UTP25: variants seen among roughly 807,000 people sequenced by gnomAD.
UTP25 encodes UTP25 small subunit processome component.
In UTP25, 50 loss-of-function variants were observed where a neutral mutation model predicts 78.9. The observed-to-expected ratio is 0.63, with a 90% CI of 0.50 to 0.80. UTP25 has a LOEUF of 0.80. Among genes scored for constraint, UTP25 ranks in the 30% least tolerant of loss-of-function variants. UTP25 has a pLI of 0.00. For missense variants in UTP25, 846 were observed against 911.3 expected (o/e 0.93, Z 0.92); for synonymous variants, 329 against 336.5 (o/e 0.98, Z 0.24).
At chr1:209,847,017 GCA>G (rs1293057475) in intron 11 of UTP25, among the ~76,000 whole-genome samples, 2 of 145,860 alleles carry the variant, frequency 1.4e-5, no homozygotes, top group African/African-American at 5.1e-5. Context: ...GTGTGCACAT[GCA>G]CACGTGCACA....
At position 209,831,060 on chromosome 1, in the gene UTP25, T is replaced by C; in HGVS notation, c.388+17T>C. On this transcript the variant is annotated intron_variant, in intron 3 of 11. Coordinates refer to ENST00000491415, the MANE Select transcript of UTP25 (RefSeq NM_014388.7). Reference sequence around the variant, plus strand: ...GTCCAGAGAGTAAGTGTCTTTACTATAGGCTCATCATCTTTGCCAGAACTA... The same window carrying C: ...GTCCAGAGAGTAAGTGTCTTTACTACAGGCTCATCATCTTTGCCAGAACTA... The C allele has an allele frequency of 6.2e-7, 1 of 1,613,658 alleles. No homozygotes were observed. Among genetic ancestry groups the C allele is most frequent in the East Asian group, 2.2e-5 (1 of 44,876 alleles).
Position 209,837,092 on chromosome 1 carries a change from A to T in UTP25, c.943A>T (p.Ile315Leu). 6.2e-7 allele frequency: 1 copy of T among 1,614,168 alleles called. No homozygotes were observed. Among genetic ancestry groups the T allele is most frequent in the Non-Finnish European group, 8.5e-7 (1 of 1,180,004 alleles). ...EIRHVYCLHV[I>L]NHILKANAQV... ...CCGCCATGTGTATTGCCTGCATGTGATAAATCACATCCTCAAAGCCAATGC... is the reference window on the plus strand; with the variant it reads ...CCGCCATGTGTATTGCCTGCATGTGTTAAATCACATCCTCAAAGCCAATGC... Residue 315 changes from isoleucine to leucine, a missense_variant, in exon 6 of 12, where the codon ATA becomes TTA. Coordinates refer to ENST00000491415, the MANE Select transcript of UTP25 (RefSeq NM_014388.7).
chr1:209,848,122 T>C (rs2102581800), intron 11 of UTP25, among the ~76,000 whole-genome samples: 2 of 152,238 alleles, frequency 1.3e-5, no homozygotes, highest in Middle Eastern at 6.8e-3. Flanking sequence ...ACCAATTAAA[T>C]CGCAGTGTCT....
At chr1:209,833,087 T>C in intron 3 of UTP25, 98 bp from the exon 4 acceptor site, 1 of 1,132,656 alleles carries the variant, frequency 8.8e-7, no homozygotes, top group Admixed American at 2.9e-5. Flanking sequence ...ATAGTATCAA[T>C]GAACGCTATT....
chr1:209,828,321 C>T (rs1388668271), intron 1 of UTP25, 151 bp downstream of exon 1: 27 of 637,416 alleles, frequency 4.2e-5, no homozygotes, highest in South Asian at 2.5e-4. Context: ...GCCATCCCGC[C>T]GGGAGATGGA....
In UTP25 at chr1:209,836,815, C is replaced by T. The variant is rs1189791202; in HGVS notation, c.666C>T (p.Gly222=). Residue 222 remains glycine, a synonymous_variant, in exon 6 of 12, where the codon GGC becomes GGT. Transcript: ENST00000491415. The part of the protein sequence containing the change: ...TTHELKWPIL[G]QLFFSSKFQK... ...TTCTCCCCTAGTGGCCTATTCTGGG[C>T]CAGCTTTTCTTTTCCTCTAAGTTTC... 6.2e-7 allele frequency: 1 copy of T among 1,605,792 alleles called. No homozygotes were observed. Among genetic ancestry groups the T allele is most frequent in the Non-Finnish European group, 8.5e-7 (1 of 1,176,756 alleles).
intron 1 of UTP25, 84 bp downstream of exon 1, chr1:209,828,254 C>G (rs967928121): frequency 3.9e-6 from 4 of 1,019,010 alleles, no homozygotes; most frequent in Non-Finnish European, 5.9e-6. Context: ...TAGTGCTGCT[C>G]CGGCCTTTTC....
In UTP25 at chr1:209,833,366, C is replaced by G; in HGVS notation, c.562+8C>G. ...CTTTGAAAGCCTCTCAAGGTCATAG[C>G]ACAGTGTGTGTTATTTGAATTCACC... On this transcript the variant is annotated splice_region_variant and intron_variant, in intron 4 of 11. Transcript: ENST00000491415. 2 of 1,532,042 alleles carry G rather than the reference C, an allele frequency of 1.3e-6. No homozygotes were observed. The highest frequency in any genetic ancestry group is 1.7e-6 in the Non-Finnish European group (2 of 1,143,474). 94.9% of individuals were successfully genotyped at this position (1,532,042 alleles called of 1,614,324 possible).
chr1:209,843,048 T>C (rs2078176564), intron 10 of UTP25: 1 of 326,624 alleles, frequency 3.1e-6, no homozygotes, highest in Non-Finnish European at 5.7e-6. Context: ...AATTGTATAA[T>C]TTCCCCCTTT....
At chr1:209,829,644 G>A (rs576282229) in intron 1 of UTP25, among the ~76,000 whole-genome samples, 58 of 104,386 alleles carry the variant, frequency 5.6e-4, no homozygotes, top group African/African-American at 1.9e-3. Context: ...ACACAACTCC[G>A]GGCTAATTTT....
chr1:209,829,237 A>T (rs2078089092), intron 1 of UTP25, among the ~76,000 whole-genome samples: 1 of 152,334 alleles, frequency 6.6e-6, no homozygotes, highest in Non-Finnish European at 1.5e-5. Context: ...GGGAACATTG[A>T]AAATCCGCTC....
rs534520156 is a variant in UTP25, at chr1:209,846,395, G to A, written c.2027+2699G>A. The stretch of plus-strand genomic sequence containing the variant: ...CTCTTTTCCAGTGCGTTATCAGTGG[G>A]TTTCCACAGCAGGGAGGATCTCAAC... On this transcript the variant is annotated intron_variant, in intron 11 of 11. Coordinates refer to ENST00000491415, the MANE Select transcript of UTP25 (RefSeq NM_014388.7). Among the ~76,000 whole-genome samples, 8 of 152,234 alleles carry A rather than the reference G, an allele frequency of 5.3e-5. No individual in the cohort carries two copies. In the South Asian group the frequency reaches 1.7e-3, roughly 32 times the overall value.
chr1:209,848,545 CTAGT>C lies in UTP25; in HGVS notation c.2028-2656_2028-2653del, dbSNP rs566155727. On this transcript the variant is annotated intron_variant, in intron 11 of 11. Transcript: ENST00000491415. The stretch of plus-strand genomic sequence containing the variant: ...GCATATGTTTTGATGAAATACTTAC[CTAGT>C]TATTTTCTTGGGATAGATTTTGAAA... Among the ~76,000 whole-genome samples, 348 of 152,106 alleles carry C rather than the reference CTAGT, an allele frequency of 2.3e-3. 1 individual carries two copies. Among genetic ancestry groups the C allele is most frequent in the African/African-American group, 8.1e-3 (337 of 41,474 alleles).
intron 4 of UTP25, 94 bp downstream of exon 4, chr1:209,833,452 C>A: frequency 8.9e-7 from 1 of 1,119,578 alleles, no homozygotes. Context: ...GAACAAACAG[C>A]AATAAAAACA....
chr1:209,838,947 G>T lies in UTP25; in HGVS notation c.1101G>T (p.Arg367=), dbSNP rs1359291557. 6 of 1,613,976 alleles carry T rather than the reference G, an allele frequency of 3.7e-6. No homozygotes were observed. The highest frequency in any genetic ancestry group is 4.2e-6 in the Non-Finnish European group (5 of 1,179,996). ...IVVPFREAAL[R]VVQLFISLLE... is the part of the protein sequence containing the mutation. ...TGCCATTCCGGGAAGCTGCTTTGCG[G>T]GTGGTGCAGCTCTTCATCAGCCTCC... is the stretch of plus-strand genomic sequence containing the variant. Residue 367 remains arginine, a synonymous_variant, in exon 7 of 12, where the codon CGG becomes CGT. Transcript: ENST00000491415.
chr1:209,842,218 T>G, intron 8 of UTP25, 47 bp from the exon 9 acceptor site: 1 of 1,488,378 alleles, frequency 6.7e-7, no homozygotes, highest in Non-Finnish European at 9.0e-7. Context: ...GTCCAACATG[T>G]AAATGCTCTC....
chr1:209,837,835 GT>G (rs1350172918), intron 6 of UTP25, among the ~76,000 whole-genome samples: 1 of 152,184 alleles, frequency 6.6e-6, no homozygotes, highest in Non-Finnish European at 1.5e-5. Flanking sequence ...TATTCATGAT[GT>G]TATAGAACCA....
intron 11 of UTP25, among the ~76,000 whole-genome samples, chr1:209,845,791 T>C (rs2078193532): frequency 7.0e-6 from 1 of 142,210 alleles, no homozygotes; most frequent in Non-Finnish European, 1.5e-5. Context: ...TGTTTTGGTG[T>C]GCAGTGCCTT....
At position 209,838,901 on chromosome 1, in the gene UTP25, CT is replaced by C; in HGVS notation, c.1063-7del. 6.2e-7 allele frequency: 1 copy of C among 1,613,944 alleles called. No individual in the cohort carries two copies. The highest frequency in any genetic ancestry group is 8.5e-7 in the Non-Finnish European group (1 of 1,179,870). On this transcript the variant is annotated splice_polypyrimidine_tract_variant and splice_region_variant and intron_variant, in intron 6 of 11. Coordinates refer to ENST00000491415, the MANE Select transcript of UTP25 (RefSeq NM_014388.7). ...ACCCCACTAAGGCTGCTGTTGCTGT[CT>C]GCACAGGTACTGATAGTGGTGCCAT... is the stretch of plus-strand genomic sequence containing the variant.
Sources: allele counts gnomAD v4.1 joint callset (sites outside exome capture counted in the v4.1 genomes callset), GRCh38; gene constraint gnomAD v4.1.1; transcripts MANE v1.5; gene names NCBI Gene and HGNC (gene_info 2026-07-23, HGNC 2026-07-21).